The following RBFOX1 variants were observed in gnomAD, a reference collection of about 807,000 sequenced individuals.
RBFOX1 encodes the protein RNA binding protein fox-1 homolog 1.
A neutral mutation model predicts 57.7 loss-of-function variants in RBFOX1; 8 were observed. The ratio of observed to expected loss-of-function variants is 0.14; its 90% CI spans 0.08 to 0.25. The LOEUF is 0.25. RBFOX1 is among the 10% of genes least tolerant of loss of function. The pLI is 1.00. For synonymous variants in RBFOX1, 326 were observed against 222.4 expected (o/e 1.47, Z -4.15); for missense variants, 611 against 548.5 (o/e 1.11, Z -1.14).
Position 5,825,181 on chromosome 16 carries a change from A to G in RBFOX1, c.319-42122A>G, listed in dbSNP as rs139998482. 2.3e-4 allele frequency among the ~76,000 whole-genome samples: 35 copies of G among 152,356 alleles called. No individual in the cohort carries two copies. In the East Asian group the frequency reaches 6.2e-3, roughly 27 times the overall value. On this transcript the variant is annotated intron_variant, in intron 3 of 19. Coordinates refer to the RBFOX1 transcript ENST00000641259. ...TTTAAGTCCCAGCTCGGCTATGCAC[A>G]GCTTCAAAACCTTGCAAGCGTTGCT...
intron 3 of RBFOX1, among the ~76,000 whole-genome samples, chr16:7,015,634 C>T (rs781743362): frequency 6.6e-6 from 1 of 152,188 alleles, no homozygotes; most frequent in Admixed American, 6.5e-5. Context: ...TTCATCTCCT[C>T]TTGTTTAAAA....
chr16:6,910,484 C>G (rs543778706), intron 3 of RBFOX1, among the ~76,000 whole-genome samples: 1 of 152,184 alleles, frequency 6.6e-6, no homozygotes, highest in Non-Finnish European at 1.5e-5. Flanking sequence ...GGTGATTCCC[C>G]ACTTGTGTTA....
rs144482188 is a variant in RBFOX1 at position 6,368,711 on chromosome 16, A to G, written c.-64+51654A>G. On this transcript the variant is annotated intron_variant, in intron 2 of 15. Transcript: ENST00000550418. ...CCATTCATTGAACAAATGGTTATCA[A>G]TTAGTCATATGTACCAGTCCATGTT... Among the ~76,000 whole-genome samples the G allele has an allele frequency of 5.2e-3, 794 of 152,324 alleles. 8 individuals are homozygous for G. The highest frequency in any genetic ancestry group is 0.018 in the African/African-American group (735 of 41,574).
chr16:7,394,231 G>A (rs1257228480), intron 4 of RBFOX1, among the ~76,000 whole-genome samples: 11 of 57,568 alleles, frequency 1.9e-4, no homozygotes, highest in Admixed American at 3.2e-4. Context: ...GCAAGACTCC[G>A]CATCAAAAAA....
chr16:6,556,345 C>T (rs901529405), intron 2 of RBFOX1, among the ~76,000 whole-genome samples: 1 of 152,148 alleles, frequency 6.6e-6, no homozygotes, highest in African/African-American at 2.4e-5. Flanking sequence ...TTTGGAATTA[C>T]CAGATGTTGT....
intron 2 of RBFOX1, among the ~76,000 whole-genome samples, chr16:6,450,284 G>A (rs953146494): frequency 6.6e-6 from 1 of 152,124 alleles, no homozygotes; most frequent in South Asian, 2.1e-4. Context: ...CACGAGTTGT[G>A]AAGCTCCCGA....
intron 5 of RBFOX1, among the ~76,000 whole-genome samples, chr16:7,561,455 C>G (rs897503449): frequency 1.3e-5 from 2 of 152,226 alleles, no homozygotes; most frequent in African/African-American, 4.8e-5. Context: ...CTCCTTCCCA[C>G]CTGCCAATGC....
Position 7,122,070 on chromosome 16 carries a change from A to G in RBFOX1, c.27+69972A>G, listed in dbSNP as rs1039056683. Among the ~76,000 whole-genome samples the G allele has an allele frequency of 2.6e-5, 4 of 152,052 alleles. No homozygotes were observed. In the South Asian group the frequency reaches 8.3e-4, roughly 31 times the overall value. ...AAAGTTTTAGAAGAACACATGGGTA[A>G]AATATTCACGTCCAAAGGAGTTAAA... On this transcript the variant is annotated intron_variant, in intron 4 of 15. Coordinates refer to ENST00000550418, the MANE Select transcript of RBFOX1 (RefSeq NM_018723.4).
rs141541806 is a variant in RBFOX1, at chr16:5,762,590, G to A, written c.319-104713G>A. On this transcript the variant is annotated intron_variant, in intron 3 of 19. Coordinates refer to the RBFOX1 transcript ENST00000641259. ...GCGGGGAATAATTAAGGATGTGTTC[G>A]CAAACTTAGCCGCAGAAGGCACTCT... 1.1e-3 allele frequency among the ~76,000 whole-genome samples: 169 copies of A among 152,296 alleles called. 2 individuals are homozygous for A. Among genetic ancestry groups the A allele is most frequent in the African/African-American group, 3.7e-3 (154 of 41,546 alleles).
intron 1 of RBFOX1, among the ~76,000 whole-genome samples, chr16:5,242,295 G>A (rs1384423659): frequency 2.6e-5 from 4 of 152,190 alleles, no homozygotes; most frequent in Non-Finnish European, 2.9e-5. Flanking sequence ...CCTGAAGGAT[G>A]ATGCAGGAAC....
intron 2 of RBFOX1, among the ~76,000 whole-genome samples, chr16:6,502,747 G>T (rs1228047664): frequency 6.6e-6 from 1 of 152,012 alleles, no homozygotes. Context: ...CTAGGGTAAG[G>T]TGCCCCGATG....
chr16:5,413,718 T>G (rs971328989), intron 1 of RBFOX1, among the ~76,000 whole-genome samples: 7 of 152,222 alleles, frequency 4.6e-5, no homozygotes, highest in African/African-American at 1.7e-4. Context: ...AGTCTCTTTC[T>G]CGTGGTATAA....
At chr16:6,600,269 C>G (rs1023797557) in intron 2 of RBFOX1, among the ~76,000 whole-genome samples, 1 of 151,792 alleles carries the variant, frequency 6.6e-6, no homozygotes, top group Non-Finnish European at 1.5e-5. Flanking sequence ...CTTTTGTTCT[C>G]AGTCCTCCCC....
rs575167530 is a variant in RBFOX1 at position 7,018,013 on chromosome 16, A to G, written c.-15-34044A>G. Among the ~76,000 whole-genome samples the G allele has an allele frequency of 1.6e-4, 24 of 152,198 alleles. 1 individual carries two copies. The highest frequency in any genetic ancestry group is 1.2e-3 in the South Asian group (6 of 4,812). On this transcript the variant is annotated intron_variant, in intron 3 of 15. Transcript: ENST00000550418. Reference sequence around the variant, plus strand: ...TTCAGGGAATGGAATTTTACAAAATATCATTTAGGAGGTTGTCATTCACGT... The same window carrying G: ...TTCAGGGAATGGAATTTTACAAAATGTCATTTAGGAGGTTGTCATTCACGT...
At chr16:6,856,791 G>C (rs914063227) in intron 3 of RBFOX1, among the ~76,000 whole-genome samples, 7 of 152,294 alleles carry the variant, frequency 4.6e-5, no homozygotes, top group Admixed American at 4.6e-4. Context: ...GGAGATGTGT[G>C]TAACAGTTGG....
chr16:6,427,913 A>G (rs28437429), intron 2 of RBFOX1, among the ~76,000 whole-genome samples: 36,828 of 151,976 alleles, frequency 0.24, 4,644 homozygotes, highest in East Asian at 0.34. Context: ...TCTCATCTGT[A>G]AAATGGAATA....
intron 4 of RBFOX1, among the ~76,000 whole-genome samples, chr16:7,246,898 T>C (rs979490049): frequency 7.2e-5 from 11 of 152,122 alleles, no homozygotes; most frequent in African/African-American, 1.9e-4. Context: ...AGGAAAGTTA[T>C]ACAACCTCCC....
At chr16:6,794,056 C>T (rs115855985) in intron 3 of RBFOX1, among the ~76,000 whole-genome samples, 1 of 152,046 alleles carries the variant, frequency 6.6e-6, no homozygotes, top group Non-Finnish European at 1.5e-5. Flanking sequence ...AAACAGGAGT[C>T]AACATACTGC....
chr16:5,288,500 T>G (rs1444615980), intron 1 of RBFOX1, among the ~76,000 whole-genome samples: 2 of 152,164 alleles, frequency 1.3e-5, no homozygotes, highest in Non-Finnish European at 2.9e-5. Context: ...CACAGTCACA[T>G]TAAAAAAACA....
Sources: allele counts gnomAD v4.1 joint callset (sites outside exome capture counted in the v4.1 genomes callset), GRCh38; gene constraint gnomAD v4.1.1; transcripts MANE v1.5; gene names NCBI Gene and HGNC (gene_info 2026-07-23, HGNC 2026-07-21).